The following RAPH1 variants were observed in gnomAD, a reference collection of about 807,000 sequenced individuals.
RAPH1 encodes ras-associated and pleckstrin homology domains-containing protein 1.
Under a neutral mutation model 88.1 loss-of-function variants are expected in RAPH1, and 18 were observed. The ratio of observed to expected loss-of-function variants is 0.20; its 90% CI spans 0.14 to 0.30. RAPH1 has a LOEUF of 0.30. Among genes scored for constraint, RAPH1 ranks in the 10% least tolerant of loss-of-function variants. RAPH1 has a pLI of 1.00. For missense variants in RAPH1, 1,448 were observed against 1,543.2 expected, an observed-to-expected ratio of 0.94 and a Z score of 1.03; for synonymous variants, 587 against 559.0, an observed-to-expected ratio of 1.05 and a Z score of -0.71.
At chr2:203,452,262 T>TAA (rs1306086209) in intron 10 of RAPH1, among the ~76,000 whole-genome samples, 1 of 152,172 alleles carries the variant, frequency 6.6e-6, no homozygotes, top group Non-Finnish European at 1.5e-5. Context: ...TTGACTAAGT[T>TAA]AAAAGACACT....
intron 1 of RAPH1, among the ~76,000 whole-genome samples, chr2:203,522,718 A>G (rs1689942721): frequency 1.3e-5 from 2 of 151,966 alleles, no homozygotes; most frequent in Non-Finnish European, 2.9e-5. Flanking sequence ...CCTGGCCAAC[A>G]TCGTGAAACC....
chr2:203,503,462 T>C (rs183368078), intron 1 of RAPH1, among the ~76,000 whole-genome samples: 48 of 152,244 alleles, frequency 3.2e-4, no homozygotes, highest in Admixed American at 3.1e-3. Context: ...CATGAACTTA[T>C]TCACTATCAC....
chr2:203,478,657 T>G (rs537830537), intron 4 of RAPH1, among the ~76,000 whole-genome samples: 112 of 152,172 alleles, frequency 7.4e-4, no homozygotes, highest in Middle Eastern at 3.4e-3. Flanking sequence ...ACCTGGCTAG[T>G]TTTGTACTTT....
chr2:203,498,387 C>T (rs1324220739), intron 1 of RAPH1, among the ~76,000 whole-genome samples: 1 of 152,158 alleles, frequency 6.6e-6, no homozygotes, highest in African/African-American at 2.4e-5. Context: ...TCGTAACACA[C>T]ACTAAGAGGA....
In RAPH1 at chr2:203,439,443, G is replaced by GTC. The variant is rs1417545225; in HGVS notation, c.3745_3746dup (p.Asp1249GlufsTer12). On this transcript the variant is annotated frameshift_variant, in exon 14 of 14. Coordinates refer to ENST00000319170, the MANE Select transcript of RAPH1 (RefSeq NM_213589.3). LOFTEE classifies it high-confidence loss of function. ...AAATAAAGTCCTATGGTGGCTACCA[G>GTC]TCTCTGGAGAGCTTGGTGTTCTGGT... The GTC allele has an allele frequency of 8.1e-6, 13 of 1,613,246 alleles. No homozygotes were observed. Among genetic ancestry groups the GTC allele is most frequent in the African/African-American group, 1.3e-5 (1 of 74,916 alleles).
intron 10 of RAPH1, among the ~76,000 whole-genome samples, chr2:203,453,966 T>A (rs1291574327): frequency 6.6e-6 from 1 of 152,114 alleles, no homozygotes; most frequent in East Asian, 1.9e-4. Context: ...ACATGGGCTA[T>A]CATGACTATA....
chr2:203,515,072 G>A (rs1244087821), intron 1 of RAPH1, among the ~76,000 whole-genome samples: 1 of 152,076 alleles, frequency 6.6e-6, no homozygotes, highest in East Asian at 1.9e-4. Context: ...GGACCTAGGG[G>A]TACAATACTC....
intron 1 of RAPH1, among the ~76,000 whole-genome samples, chr2:203,512,469 T>C (rs1418470694): frequency 6.6e-6 from 1 of 152,132 alleles, no homozygotes; most frequent in East Asian, 1.9e-4. Context: ...GATGGATCAT[T>C]ATTCCTGACA....
chr2:203,531,538 C>T (rs1690390735), intron 1 of RAPH1, among the ~76,000 whole-genome samples: 1 of 152,034 alleles, frequency 6.6e-6, no homozygotes, highest in South Asian at 2.1e-4. Context: ...TACAACTCAC[C>T]AAAAAACAAC....
chr2:203,494,996 C>T (rs1480101277), intron 2 of RAPH1, among the ~76,000 whole-genome samples: 1 of 151,842 alleles, frequency 6.6e-6, no homozygotes. Flanking sequence ...ATTAAGTAAC[C>T]CCTCTAGATG....
At chr2:203,444,793 G>T in intron 13 of RAPH1, 75 bp downstream of exon 13, 1 of 1,361,938 alleles carries the variant, frequency 7.3e-7, no homozygotes, top group Non-Finnish European at 1.0e-6. Flanking sequence ...CCCCGATAAA[G>T]ACATAAGAGA....
At chr2:203,454,708 A>T (rs569674660) in intron 9 of RAPH1, among the ~76,000 whole-genome samples, 168 bp from the exon 10 acceptor site, 2 of 152,212 alleles carry the variant, frequency 1.3e-5, no homozygotes, top group African/African-American at 4.8e-5. Context: ...TTTCTTCTTT[A>T]ATCATTAACG....
intron 1 of RAPH1, among the ~76,000 whole-genome samples, chr2:203,532,032 T>C (rs138085882): frequency 1.3e-5 from 2 of 152,296 alleles, no homozygotes; most frequent in African/African-American, 2.4e-5. Flanking sequence ...AACGGAATAT[T>C]AATCAGTCTG....
intron 13 of RAPH1, chr2:203,444,563 G>A: frequency 2.6e-6 from 1 of 377,838 alleles, no homozygotes; most frequent in East Asian, 4.0e-5. Context: ...AAGGTGGAAA[G>A]GAAGAAATTG....
intron 1 of RAPH1, among the ~76,000 whole-genome samples, chr2:203,527,962 T>C (rs1192416507): frequency 6.6e-6 from 1 of 152,122 alleles, no homozygotes; most frequent in Non-Finnish European, 1.5e-5. Context: ...CAGAGCCAAG[T>C]GTTAACGGAT....
In RAPH1 at chr2:203,435,914, T is replaced by G. The variant is rs2098498147; in HGVS notation, c.*3523A>C. ...AATATTTTTCAGGCTAATTTATAAC[T>G]TTATGGATTTCCTCGATACAAGTTT... On this transcript the variant is annotated 3_prime_UTR_variant, in exon 14 of 14. Coordinates refer to ENST00000319170, the MANE Select transcript of RAPH1 (RefSeq NM_213589.3). 6.6e-6 allele frequency: 1 copy of G among 152,208 alleles called. No individual in the cohort carries two copies. Among genetic ancestry groups the G allele is most frequent in the African/African-American group, 2.4e-5 (1 of 41,450 alleles). The allele number at this position is 152,208 out of a possible 1,614,324, so 9.4% of individuals were successfully genotyped here.
rs369267717 is a variant in RAPH1 at position 203,434,566 on chromosome 2, C to CAAA, written c.*4868_*4870dup. The CAAA allele has an allele frequency of 8.3e-3, 848 of 102,598 alleles. 10 individuals are homozygous for CAAA. The highest frequency in any genetic ancestry group is 0.023 in the African/African-American group (767 of 33,046). 6.4% of individuals were successfully genotyped at this position (102,598 alleles called of 1,614,324 possible). On this transcript the variant is annotated 3_prime_UTR_variant, in exon 14 of 14. Transcript: ENST00000319170. ...CTAGAAGGGGTTATTTTACAAGTAGCAAAAAAAAAAAAAAAAGTAGGAGGT... is the reference window on the plus strand; with the variant it reads ...CTAGAAGGGGTTATTTTACAAGTAGCAAAAAAAAAAAAAAAAAAAGTAGGAGGT...
chr2:203,518,522 CA>C (rs1376822274), intron 1 of RAPH1, among the ~76,000 whole-genome samples: 1 of 110,960 alleles, frequency 9.0e-6, no homozygotes, highest in African/African-American at 2.9e-5. Context: ...CATCTCCAAA[CA>C]AAAAAAACAA....
chr2:203,444,766 A>G, intron 13 of RAPH1, 102 bp downstream of exon 13: 3 of 1,069,370 alleles, frequency 2.8e-6, no homozygotes, highest in Non-Finnish European at 4.1e-6. Flanking sequence ...GGAGACTGAA[A>G]TAAGGCCAAA....
Sources: gnomAD v4.1 joint callset for allele counts (sites outside exome capture counted in the v4.1 genomes callset) on GRCh38, gnomAD v4.1.1 for gene constraint, MANE v1.5 for transcripts, NCBI Gene and HGNC (gene_info 2026-07-23, HGNC 2026-07-21) for gene names.